Variants in VPS13C observed in about 807,000 individuals in gnomAD.
The protein encoded by VPS13C is intermembrane lipid transfer protein VPS13C.
Under a neutral mutation model 456.8 loss-of-function variants are expected in VPS13C, and 358 were observed. That is an observed-to-expected ratio of 0.78 (90% CI 0.72 to 0.86). The LOEUF (loss-of-function observed/expected upper bound fraction) is 0.86. Ranked by LOEUF, VPS13C falls within the 40% of genes least tolerant of loss-of-function variation. VPS13C has a pLI of 0.00. For synonymous variants in VPS13C, 1,578 were observed against 1,486.7 expected (o/e 1.06, Z -1.41); for missense variants, 4,818 against 4,385.4 (o/e 1.10, Z -2.79).
chr15:61,915,550 T>C (rs1390489496), intron 61 of VPS13C, 83 bp downstream of exon 61: 2 of 1,385,008 alleles, frequency 1.4e-6, no homozygotes, highest in Admixed American at 2.6e-5. Flanking sequence ...TAGGTTAGCA[T>C]GGTTTTAGGG....
chr15:62,026,547 G>A (rs2047647593), intron 6 of VPS13C, among the ~76,000 whole-genome samples: 1 of 151,722 alleles, frequency 6.6e-6, no homozygotes, highest in Non-Finnish European at 1.5e-5. Flanking sequence ...CCTTGAAGTG[G>A]TTTTGTTGAA....
intron 26 of VPS13C, among the ~76,000 whole-genome samples, chr15:61,972,973 T>C (rs2045599681): frequency 6.6e-6 from 1 of 152,194 alleles, no homozygotes; most frequent in African/African-American, 2.4e-5. Flanking sequence ...CACTATGTTC[T>C]TTTCTTCAAT....
At chr15:61,999,282 G>A (rs918525702) in intron 16 of VPS13C, among the ~76,000 whole-genome samples, 1 of 151,804 alleles carries the variant, frequency 6.6e-6, no homozygotes, top group Non-Finnish European at 1.5e-5. Flanking sequence ...AGGAGGCTGA[G>A]ACAGGAGAAT....
In VPS13C at chr15:61,927,330, C is replaced by A. The variant is rs1327552831; in HGVS notation, c.6287-10G>T. 6.2e-7 allele frequency: 1 copy of A among 1,607,220 alleles called. No homozygotes were observed. The highest frequency in any genetic ancestry group is 8.5e-7 in the Non-Finnish European group (1 of 1,175,778). On this transcript the variant is annotated splice_polypyrimidine_tract_variant and intron_variant, in intron 51 of 84. Transcript: ENST00000644861. ...GGTCTAACAGAGTCATCTGAAGAAA[C>A]AAGCAACAGGAACCAGAAAAGTTTA... is the stretch of plus-strand genomic sequence containing the variant.
intron 50 of VPS13C, 45 bp from the exon 51 acceptor site, chr15:61,929,793 A>G: frequency 6.5e-7 from 1 of 1,529,914 alleles, no homozygotes; most frequent in Non-Finnish European, 8.8e-7. Context: ...TGCTAAAACA[A>G]TAAAAAAGAT....
intron 76 of VPS13C, 51 bp from the exon 77 acceptor site, chr15:61,875,002 GACTTTT>G (rs1218795952): frequency 9.6e-6 from 14 of 1,456,592 alleles, no homozygotes; most frequent in Non-Finnish European, 1.3e-5. Flanking sequence ...TTAAGTTTCA[GACTTTT>G]ACTTTAATAG....
chr15:61,856,050 T>C (rs1202457802), intron 83 of VPS13C, among the ~76,000 whole-genome samples: 1 of 151,750 alleles, frequency 6.6e-6, no homozygotes, highest in African/African-American at 2.4e-5. Flanking sequence ...AAAAAGAAAA[T>C]ATCAGCATAT....
intron 54 of VPS13C, 53 bp downstream of exon 54, chr15:61,922,344 C>A (rs2043685905): frequency 1.3e-6 from 2 of 1,550,142 alleles, no homozygotes; most frequent in South Asian, 2.6e-5. Context: ...TATCTTAATT[C>A]CAAAATCGCA....
intron 1 of VPS13C, among the ~76,000 whole-genome samples, chr15:62,058,978 G>T (rs529222033): frequency 6.6e-6 from 1 of 150,874 alleles, no homozygotes; most frequent in East Asian, 1.9e-4. Context: ...CGTAATTCAG[G>T]GTATAAACAG....
intron 78 of VPS13C, 45 bp downstream of exon 78, chr15:61,873,201 T>G: frequency 6.2e-7 from 1 of 1,610,024 alleles, no homozygotes; most frequent in Non-Finnish European, 8.5e-7. Context: ...AGAATACACT[T>G]TTTTTTAAGT....
At chr15:61,916,413 A>G (rs2043473839) in intron 60 of VPS13C, among the ~76,000 whole-genome samples, 1 of 152,206 alleles carries the variant, frequency 6.6e-6, no homozygotes, top group Admixed American at 6.5e-5. Flanking sequence ...TGGTTCCCAT[A>G]TGAATGGAAT....
At chr15:62,030,150 G>A (rs893492772) in intron 5 of VPS13C, among the ~76,000 whole-genome samples, 1 of 152,020 alleles carries the variant, frequency 6.6e-6, no homozygotes, top group African/African-American at 2.4e-5. Flanking sequence ...TCATATAGCA[G>A]ACAAATTTCA....
chr15:61,900,054 A>C (rs1449202403), intron 66 of VPS13C, among the ~76,000 whole-genome samples: 2 of 152,218 alleles, frequency 1.3e-5, no homozygotes, highest in African/African-American at 2.4e-5. Flanking sequence ...CTTTGACAAA[A>C]TTCAACAACC....
chr15:62,034,051 A>T (rs1207931749), intron 4 of VPS13C, among the ~76,000 whole-genome samples: 1 of 151,676 alleles, frequency 6.6e-6, no homozygotes, highest in Non-Finnish European at 1.5e-5. Context: ...AATAAAAAAG[A>T]TCTATAATGA....
chr15:61,911,400 G>A (rs2043297584), intron 63 of VPS13C, among the ~76,000 whole-genome samples: 1 of 152,164 alleles, frequency 6.6e-6, no homozygotes, highest in Non-Finnish European at 1.5e-5. Flanking sequence ...CAGAATTTTA[G>A]CTAATTTTCA....
chr15:62,052,781 A>T (rs1304926684), intron 1 of VPS13C, among the ~76,000 whole-genome samples: 1 of 151,968 alleles, frequency 6.6e-6, no homozygotes, highest in African/African-American at 2.4e-5. Context: ...CCTTTTAATG[A>T]GTTCACAGTG....
At chr15:61,911,040 G>T (rs891925356) in intron 63 of VPS13C, among the ~76,000 whole-genome samples, 2 of 152,060 alleles carry the variant, frequency 1.3e-5, no homozygotes, top group African/African-American at 4.8e-5. Flanking sequence ...ATTGTAATTG[G>T]AATCCTTCCT....
At chr15:61,992,075 C>A (rs1012200539) in intron 16 of VPS13C, among the ~76,000 whole-genome samples, 1 of 152,090 alleles carries the variant, frequency 6.6e-6, no homozygotes, top group African/African-American at 2.4e-5. Context: ...TACTTCTAAG[C>A]AATGTGACTT....
intron 48 of VPS13C, among the ~76,000 whole-genome samples, chr15:61,936,242 G>T (rs892278582): frequency 6.6e-6 from 1 of 152,156 alleles, no homozygotes; most frequent in South Asian, 2.1e-4. Context: ...TCAATCACCT[G>T]AGTATGACAT....
Sources: gnomAD v4.1 joint callset for allele counts (sites outside exome capture counted in the v4.1 genomes callset) on GRCh38, gnomAD v4.1.1 for gene constraint, MANE v1.5 for transcripts, NCBI Gene and HGNC (gene_info 2026-07-23, HGNC 2026-07-21) for gene names.